DLGAP3: variants seen among roughly 807,000 people sequenced by gnomAD.
DLGAP3 encodes DLG associated protein 3, also known as disks large-associated protein 3.
In DLGAP3, 17 loss-of-function variants were observed where a neutral mutation model predicts 81.2. The observed-to-expected ratio is 0.21, with a 90% CI of 0.14 to 0.31. DLGAP3 has a LOEUF of 0.31. DLGAP3 is among the 10% of genes least tolerant of loss of function. The pLI is 1.00. For missense variants in DLGAP3, 1,124 were observed against 1,388.0 expected (o/e 0.81, Z 3.02); for synonymous variants, 577 against 587.4 (o/e 0.98, Z 0.26).
At chr1:34,916,978 G>A (rs539783517) in intron 1 of DLGAP3, among the ~76,000 whole-genome samples, 12 of 152,210 alleles carry the variant, frequency 7.9e-5, no homozygotes, top group South Asian at 4.1e-4. Context: ...ACTTACAGGC[G>A]TGAGCCACCG....
intron 1 of DLGAP3, among the ~76,000 whole-genome samples, chr1:34,913,083 C>T (rs1361208500): frequency 6.6e-6 from 1 of 152,156 alleles, no homozygotes; most frequent in Admixed American, 6.5e-5. Flanking sequence ...CTCCTTAGGA[C>T]CCCAAGGGAA....
chr1:34,867,503 T>C lies in DLGAP3; in HGVS notation c.2577+33A>G. ...GCACACACACACTCTGGGTCACATGTATCTGGTAGGATCTACTACTATGGG... is the reference window on the plus strand; with the variant it reads ...GCACACACACACTCTGGGTCACATGCATCTGGTAGGATCTACTACTATGGG... On this transcript the variant is annotated intron_variant, in intron 10 of 11. Transcript: ENST00000373347. The surrounding 1 kb of genome is among the most constrained non-coding windows in gnomAD (Gnocchi z 4.3). The C allele has an allele frequency of 6.4e-7, 1 of 1,568,674 alleles. No individual in the cohort carries two copies. Among genetic ancestry groups the C allele is most frequent in the Non-Finnish European group, 8.8e-7 (1 of 1,138,416 alleles).
chr1:34,871,257 C>G (rs1211225964), intron 8 of DLGAP3, among the ~76,000 whole-genome samples: 1 of 152,174 alleles, frequency 6.6e-6, no homozygotes, highest in Non-Finnish European at 1.5e-5. Context: ...ACCTCATCTC[C>G]CCCACATTCT....
At chr1:34,925,186 C>G (rs920353758) in intron 1 of DLGAP3, among the ~76,000 whole-genome samples, 4 of 151,784 alleles carry the variant, frequency 2.6e-5, no homozygotes, top group Non-Finnish European at 4.4e-5. Flanking sequence ...CCTGACAACC[C>G]CCCCCCCACC....
Position 34,907,395 on chromosome 1 carries a change from C to G in DLGAP3, c.-92G>C, listed in dbSNP as rs1434311302. On this transcript the variant is annotated 5_prime_UTR_variant, in exon 2 of 12. Coordinates refer to ENST00000373347, the MANE Select transcript of DLGAP3 (RefSeq NM_001080418.3). ...ATCCTTGATGTCAGGATCCCCACCA[C>G]CAGGCAGAAGCCTAACTTCAGAAGG... 6.6e-6 allele frequency: 1 copy of G among 152,616 alleles called. No homozygotes were observed. The highest frequency in any genetic ancestry group is 1.5e-5 in the Non-Finnish European group (1 of 68,042). The allele number at this position is 152,616 out of a possible 1,614,324, so 9.5% of individuals were successfully genotyped here.
chr1:34,893,086 G>A (rs959601255), intron 5 of DLGAP3, among the ~76,000 whole-genome samples: 2 of 151,000 alleles, frequency 1.3e-5, no homozygotes, highest in Non-Finnish European at 2.9e-5. Context: ...GCAGGAGAAT[G>A]GCGTGAACCC....
At position 34,904,220 on chromosome 1, in the gene DLGAP3, G is replaced by A; in HGVS notation, c.1107+57C>T. 1.3e-6 allele frequency: 2 copies of A among 1,595,500 alleles called. No homozygotes were observed. Among genetic ancestry groups the A allele is most frequent in the Non-Finnish European group, 1.7e-6 (2 of 1,176,786 alleles). The stretch of plus-strand genomic sequence containing the variant: ...ACCCAACCCTTTCCACTGCTCCCTA[G>A]TTGACAAGACTGGTGAAGGCTAAGG... On this transcript the variant is annotated intron_variant, in intron 3 of 11. Coordinates refer to ENST00000373347, the MANE Select transcript of DLGAP3 (RefSeq NM_001080418.3). The surrounding 1 kb of genome is among the most constrained non-coding windows in gnomAD (Gnocchi z 8.1).
intron 8 of DLGAP3, among the ~76,000 whole-genome samples, chr1:34,882,197 C>A (rs1469728686): frequency 6.6e-6 from 1 of 152,166 alleles, no homozygotes; most frequent in Non-Finnish European, 1.5e-5. Context: ...ACAGTAGAGG[C>A]CGGGTGTGGT....
In DLGAP3 at chr1:34,908,531, AAAGG is replaced by A. The variant is rs1639593039; in HGVS notation, c.-134-1098_-134-1095del. ...GTGGGAATAGGAGAGAGAAAATCAGAAAGGAAGACGACTCTGAAGTTTGCAGCAG... is the reference window on the plus strand; with the variant it reads ...GTGGGAATAGGAGAGAGAAAATCAGAAAGACGACTCTGAAGTTTGCAGCAG... On this transcript the variant is annotated intron_variant, in intron 1 of 11. Transcript: ENST00000373347. Among the ~76,000 whole-genome samples, 4 of 152,204 alleles carry A rather than the reference AAAGG, an allele frequency of 2.6e-5. No individual in the cohort carries two copies. In the South Asian group the frequency reaches 8.3e-4, roughly 32 times the overall value.
chr1:34,886,227 A>G lies in DLGAP3; in HGVS notation c.1445T>C (p.Leu482Pro). 6.2e-7 allele frequency: 1 copy of G among 1,610,920 alleles called. No homozygotes were observed. Among genetic ancestry groups the G allele is most frequent in the Non-Finnish European group, 8.5e-7 (1 of 1,179,066 alleles). The change falls in exon 6 of 12, where the codon CTG (leucine) becomes CCG (proline). Residue 482 changes from leucine (L) to proline (P), a missense_variant. Physicochemically the swap from Leu to Pro is moderately conservative, Grantham distance 98. Transcript: ENST00000373347. ...EAVCGSVFGE[L>P]ESQAVDALDL... ...CAGGGCGTCCACGGCCTGGGACTCC[A>G]GCTCCCCAAACACCGACCCGCACAC...
rs78404971 is a variant in DLGAP3, at chr1:34,885,075, G to T, written c.1915-12C>A. The T allele has an allele frequency of 1.9e-3, 3,085 of 1,611,694 alleles. 59 individuals are homozygous for T. The African/African-American group carries it at 0.036, about 19-fold the overall frequency. ...GAGATCGTCTCCACCTGGTGGCAGG[G>T]TGGAGGAGTCAGTGGCTGTGGCGAG... is the stretch of plus-strand genomic sequence containing the variant. On this transcript the variant is annotated splice_polypyrimidine_tract_variant and intron_variant, in intron 7 of 11. Transcript: ENST00000373347.
At chr1:34,898,971 G>A (rs1227767658) in intron 5 of DLGAP3, among the ~76,000 whole-genome samples, 5 of 152,184 alleles carry the variant, frequency 3.3e-5, no homozygotes, top group Non-Finnish European at 5.9e-5. Context: ...GTGTTGAAAA[G>A]TAAGGTCTCT....
intron 4 of DLGAP3, 144 bp from the exon 5 acceptor site, chr1:34,899,885 A>G (rs1373501481): frequency 1.1e-5 from 10 of 924,434 alleles, no homozygotes; most frequent in Non-Finnish European, 1.7e-5. Flanking sequence ...GGGTAAAGAG[A>G]CTCCCAAAGA....
chr1:34,908,923 G>A (rs1466143050), intron 1 of DLGAP3, among the ~76,000 whole-genome samples: 1 of 152,224 alleles, frequency 6.6e-6, no homozygotes, highest in Non-Finnish European at 1.5e-5. Context: ...GATCAAGATA[G>A]CCTCTCAAAT....
intron 1 of DLGAP3, among the ~76,000 whole-genome samples, chr1:34,918,807 T>C (rs1639758122): frequency 6.6e-6 from 1 of 151,860 alleles, no homozygotes; most frequent in East Asian, 1.9e-4. Context: ...ACTCAGGACA[T>C]CCAAGGACAT....
chr1:34,922,341 C>CA (rs1235818010), intron 1 of DLGAP3, among the ~76,000 whole-genome samples: 2 of 152,220 alleles, frequency 1.3e-5, no homozygotes, highest in Non-Finnish European at 2.9e-5. Flanking sequence ...GTTGGGAAGA[C>CA]ACTTTTGGGT....
At chr1:34,869,723 G>T (rs988967199) in intron 8 of DLGAP3, among the ~76,000 whole-genome samples, 6 of 152,088 alleles carry the variant, frequency 3.9e-5, no homozygotes, top group African/African-American at 1.4e-4. Flanking sequence ...TTATCCACCC[G>T]CCTTGGCCTC....
At chr1:34,889,917 G>C (rs1372515197) in intron 5 of DLGAP3, among the ~76,000 whole-genome samples, 1 of 152,182 alleles carries the variant, frequency 6.6e-6, no homozygotes, top group Non-Finnish European at 1.5e-5. Flanking sequence ...TTTGGTAAAG[G>C]CTTAGGTTTT....
Position 34,868,596 on chromosome 1 carries a change from G to A in DLGAP3, c.2485+9C>T, listed in dbSNP as rs370228266. Reference sequence around the variant, plus strand: ...CCCAGAGTCCCCTTGTTCCGATGCCGTGACTCACTCTCCTCGGGTAGCTCA... The same window carrying A: ...CCCAGAGTCCCCTTGTTCCGATGCCATGACTCACTCTCCTCGGGTAGCTCA... On this transcript the variant is annotated intron_variant, in intron 9 of 11. Coordinates refer to ENST00000373347, the MANE Select transcript of DLGAP3 (RefSeq NM_001080418.3). The surrounding 1 kb of genome is among the most constrained non-coding windows in gnomAD (Gnocchi z 7.5). 7.5e-6 allele frequency: 12 copies of A among 1,609,836 alleles called. No individual in the cohort carries two copies. The African/African-American group carries it at 8.0e-5, about 11-fold the overall frequency.
Sources: gnomAD v4.1 joint callset for allele counts (sites outside exome capture counted in the v4.1 genomes callset) on GRCh38, gnomAD v4.1.1 for gene constraint, Gnocchi (gnomAD v3.1) non-coding constraint, MANE v1.5 for transcripts, NCBI Gene and HGNC (gene_info 2026-07-23, HGNC 2026-07-21) for gene names.